VMA21: variants seen among roughly 807,000 people sequenced by gnomAD.
The protein encoded by VMA21 is vacuolar ATPase assembly integral membrane protein VMA21.
For missense variants in VMA21, 61 were observed against 80.6 expected, an observed-to-expected ratio of 0.76 and a Z score of 0.93; for synonymous variants, 47 against 34.1, an observed-to-expected ratio of 1.38 and a Z score of -1.32.
chrX:151,402,331 G>A (rs1602818645), intron 1 of VMA21, among the ~76,000 whole-genome samples: 1 of 111,512 alleles, frequency 9.0e-6, no homozygotes. Context: ...ATAGGCACAC[G>A]CCACCACTCT....
At chrX:151,397,503 G>A (rs189185759) in intron 1 of VMA21, 142 bp downstream of exon 1, 6 of 711,735 alleles carry the variant, frequency 8.4e-6, no homozygotes, top group Non-Finnish European at 1.0e-5. Context: ...GGGAAAGCAG[G>A]TTGGAGCCTG....
Position 151,397,349 on chromosome X carries a change from C to T in VMA21, c.41C>T (p.Pro14Leu), listed in dbSNP as rs1412988171. The T allele has an allele frequency of 1.5e-5, 18 of 1,161,719 alleles. No homozygotes were observed. Among genetic ancestry groups the T allele is most frequent in the Non-Finnish European group, 1.8e-5 (16 of 872,585 alleles). Residue 14 changes from proline (P) to leucine (L), a missense_variant, in exon 1 of 3, where the codon CCT becomes CTT. Coordinates refer to ENST00000330374, the MANE Select transcript of VMA21 (RefSeq NM_001017980.4). ...AAGGCGGCGCTGAACGCACTGCAGC[C>T]TCCTGAGTTCAGGTAGCCCTGAGCG... is the stretch of plus-strand genomic sequence containing the variant. ...PDKAALNALQ[P>L]PEFRNESSLA...
rs2011271227 is a variant in VMA21 at position 151,404,838 on chromosome X, T to G, written c.164-78T>G. The G allele has an allele frequency of 9.9e-6, 11 of 1,108,190 alleles. No individual in the cohort carries two copies. In the South Asian group the frequency reaches 1.9e-4, roughly 19 times the overall value. The allele number at this position is 1,108,190 out of a possible 1,213,427, so 91.3% of individuals were successfully genotyped here. A position where few individuals can be genotyped will look rare whatever the true frequency, so the allele number is the denominator to read the frequency against. On this transcript the variant is annotated intron_variant, in intron 2 of 2. Coordinates refer to ENST00000330374, the MANE Select transcript of VMA21 (RefSeq NM_001017980.4). ...TAGTTAAATAAATACATCATAAAAA[T>G]TAGGATGCTTTGTTTTTTTTTTTTG...
rs1420792599 is a variant in VMA21, at chrX:151,405,596, A to G, written c.*538A>G. On this transcript the variant is annotated 3_prime_UTR_variant, in exon 3 of 3. Transcript: ENST00000330374. ...AATCCCTAGTCAATAAGAATTATCC[A>G]TTACATTATTTTATGGGAAAACTAG... 2.7e-5 allele frequency: 3 copies of G among 112,997 alleles called. No homozygotes were observed. The highest frequency in any genetic ancestry group is 9.3e-5 in the Admixed American group (1 of 10,709). 9.3% of individuals were successfully genotyped at this position (112,997 alleles called of 1,213,427 possible). A position where few individuals can be genotyped will look rare whatever the true frequency, so the allele number is the denominator to read the frequency against.
At chrX:151,402,964 G>A (rs1346606620) in intron 1 of VMA21, among the ~76,000 whole-genome samples, 15 of 105,627 alleles carry the variant, frequency 1.4e-4, no homozygotes. Context: ...GGTGCCTGCC[G>A]AGTTCCCTGG....
rs1378131490 is a variant in VMA21 at position 151,407,323 on chromosome X, G to T, written c.*2265G>T. ...TTTAGGCTTATAACAAAATAGGCTT[G>T]TTTTCAAAGCAGTTTTTTCCTAGAG... On this transcript the variant is annotated 3_prime_UTR_variant, in exon 3 of 3. Transcript: ENST00000330374. 1 of 113,073 alleles carries T rather than the reference G, an allele frequency of 8.8e-6. No individual in the cohort carries two copies. The highest frequency in any genetic ancestry group is 1.9e-5 in the Non-Finnish European group (1 of 53,333). 9.3% of individuals were successfully genotyped at this position (113,073 alleles called of 1,213,427 possible).
Position 151,397,326 on chromosome X carries a change from G to A in VMA21, c.18G>A (p.Lys6=). 6.9e-6 allele frequency: 8 copies of A among 1,162,536 alleles called. No homozygotes were observed. The highest frequency in any genetic ancestry group is 9.2e-6 in the Non-Finnish European group (8 of 872,752). ...GCTACACCATGGAGCGCCCGGATAA[G>A]GCGGCGCTGAACGCACTGCAGCCTC... MERPD[K]AALNALQPPE... Residue 6 remains lysine (K), a synonymous_variant, in exon 1 of 3, where the codon AAG becomes AAA. Transcript: ENST00000330374.
At chrX:151,403,196 C>T (rs1457107809) in intron 1 of VMA21, among the ~76,000 whole-genome samples, 1 of 111,791 alleles carries the variant, frequency 8.9e-6, no homozygotes, top group East Asian at 2.8e-4. Context: ...CTGATCCACC[C>T]ATGGTGCCTG....
At chrX:151,396,826 T>C, upstream of VMA21, 1 of 513,279 alleles carries the variant, frequency 1.9e-6, no homozygotes, top group South Asian at 2.5e-5. Context: ...TGGTAGTCCC[T>C]CTTCGCGGCT....
intron 1 of VMA21, among the ~76,000 whole-genome samples, chrX:151,400,596 A>G (rs951568083): frequency 8.9e-6 from 1 of 111,988 alleles, no homozygotes; most frequent in African/African-American, 3.2e-5. Context: ...GCTGTGTGGT[A>G]GTTCTATTTT....
Position 151,407,913 on chromosome X carries a change from C to G in VMA21, c.*2855C>G, listed in dbSNP as rs185462390. ...TTTTTTCTTTTTTTTTTTTTCGAGA[C>G]GGAGTTTTGCCCTTCTTGCCCAGGC... On this transcript the variant is annotated 3_prime_UTR_variant, in exon 3 of 3. Transcript: ENST00000330374. The G allele has an allele frequency of 9.5e-6, 1 of 104,807 alleles. No individual in the cohort carries two copies. The highest frequency in any genetic ancestry group is 1.9e-5 in the Non-Finnish European group (1 of 51,344). 8.6% of individuals were successfully genotyped at this position (104,807 alleles called of 1,213,427 possible). A position where few individuals can be genotyped will look rare whatever the true frequency, so the allele number is the denominator to read the frequency against.
Position 151,397,312 on chromosome X carries a change from G to C in VMA21, c.4G>C (p.Glu2Gln). The change falls in exon 1 of 3, where the codon GAG becomes CAG. Residue 2 changes from glutamate (E) to glutamine (Q), a missense_variant. By Grantham distance (29) the Glu-to-Gln change is conservative. Coordinates refer to ENST00000330374, the MANE Select transcript of VMA21 (RefSeq NM_001017980.4). M[E>Q]RPDKAALNAL... is the part of the protein sequence containing the mutation. Reference sequence around the variant, plus strand: ...CCTGTGCCGGCACGGCTACACCATGGAGCGCCCGGATAAGGCGGCGCTGAA... The same window carrying C: ...CCTGTGCCGGCACGGCTACACCATGCAGCGCCCGGATAAGGCGGCGCTGAA... The C allele has an allele frequency of 8.6e-7, 1 of 1,161,647 alleles. No homozygotes were observed. The highest frequency in any genetic ancestry group is 1.1e-6 in the Non-Finnish European group (1 of 872,614).
At chrX:151,404,500 G>A (rs2124126164) in intron 2 of VMA21, among the ~76,000 whole-genome samples, 1 of 112,278 alleles carries the variant, frequency 8.9e-6, no homozygotes, top group African/African-American at 3.2e-5. Flanking sequence ...CTCGCGTCAA[G>A]CTCTGCCTCC....
At chrX:151,401,701 T>C (rs2011238145) in intron 1 of VMA21, among the ~76,000 whole-genome samples, 2 of 112,138 alleles carry the variant, frequency 1.8e-5, no homozygotes, top group African/African-American at 3.2e-5. Context: ...CAGTGTTTTA[T>C]ACTTTTCAGT....
rs956293081 is a variant in VMA21 at position 151,409,238 on chromosome X, G to A, written c.*4180G>A. 1 of 111,421 alleles carries A rather than the reference G, an allele frequency of 9.0e-6. No homozygotes were observed. The highest frequency in any genetic ancestry group is 3.3e-5 in the African/African-American group (1 of 30,634). 9.2% of individuals were successfully genotyped at this position (111,421 alleles called of 1,213,427 possible). A position where few individuals can be genotyped will look rare whatever the true frequency, so the allele number is the denominator to read the frequency against. ...TTGAGTTCTTTAGCTACTTGAATCC[G>A]ATTTACTTCTGTTAAGTGATGCTTT... is the stretch of plus-strand genomic sequence containing the variant. On this transcript the variant is annotated 3_prime_UTR_variant, in exon 3 of 3. Coordinates refer to ENST00000330374, the MANE Select transcript of VMA21 (RefSeq NM_001017980.4).
chrX:151,397,603 T>G lies in VMA21; in HGVS notation c.53+242T>G, dbSNP rs771796836. ...AGGTCAGTGGGCCTTCAGCTCATGC[T>G]CCTATCCTAGCACTTTCTCTCGCTG... On this transcript the variant is annotated intron_variant, in intron 1 of 2. Coordinates refer to ENST00000330374, the MANE Select transcript of VMA21 (RefSeq NM_001017980.4). 2.5e-3 allele frequency among the ~76,000 whole-genome samples: 272 copies of G among 110,727 alleles called. 3 individuals are homozygous for G. Among genetic ancestry groups the G allele is most frequent in the Admixed American group, 4.8e-3 (51 of 10,729 alleles).
chrX:151,405,810 C>T lies in VMA21; in HGVS notation c.*752C>T, dbSNP rs1180417790. 1 of 111,647 alleles carries T rather than the reference C, an allele frequency of 9.0e-6. No homozygotes were observed. The highest frequency in any genetic ancestry group is 1.9e-5 in the Non-Finnish European group (1 of 53,146). The allele number at this position is 111,647 out of a possible 1,213,427, so 9.2% of individuals were successfully genotyped here. ...CTCATTCAACATTGAAGCTAGGCTTCAATTAAAAGGTTCGAGGAAGCTCCA... is the reference window on the plus strand; with the variant it reads ...CTCATTCAACATTGAAGCTAGGCTTTAATTAAAAGGTTCGAGGAAGCTCCA... On this transcript the variant is annotated 3_prime_UTR_variant, in exon 3 of 3. Transcript: ENST00000330374.
chrX:151,397,016 C>T (rs1223179622), upstream of VMA21: 2 of 511,340 alleles, frequency 3.9e-6, no homozygotes, highest in East Asian at 3.7e-5. Context: ...TCCTCGAGCA[C>T]AGGCCCCTCC....
At chrX:151,396,871 G>A, upstream of VMA21, 1 of 524,369 alleles carries the variant, frequency 1.9e-6, no homozygotes, top group Non-Finnish European at 3.5e-6. Flanking sequence ...CCCCAGCTCA[G>A]CGACCGAGAC....
Sources: gnomAD v4.1 joint callset for allele counts (sites outside exome capture counted in the v4.1 genomes callset) on GRCh38, gnomAD v4.1.1 for gene constraint, MANE v1.5 for transcripts, NCBI Gene and HGNC (gene_info 2026-07-23, HGNC 2026-07-21) for gene names.